CNTN4: variants seen among roughly 807,000 people sequenced by gnomAD.
CNTN4 encodes contactin 4, also known as contactin-4.
In CNTN4, 77 loss-of-function variants were observed where a neutral mutation model predicts 122.5. The observed-to-expected ratio is 0.63, with a 90% CI of 0.52 to 0.76. CNTN4 has a LOEUF of 0.76. CNTN4 is among the 30% of genes least tolerant of loss of function. CNTN4 has a pLI of 0.00. For missense variants in CNTN4, 1,256 were observed against 1,259.1 expected, an observed-to-expected ratio of 1.00 and a Z score of 0.04; for synonymous variants, 512 against 447.0, an observed-to-expected ratio of 1.15 and a Z score of -1.83.
intron 2 of CNTN4, among the ~76,000 whole-genome samples, chr3:2,201,103 C>A (rs1418186779): frequency 6.6e-6 from 1 of 152,078 alleles, no homozygotes; most frequent in African/African-American, 2.4e-5. Flanking sequence ...AATAGAGTAG[C>A]CTATTCTCCA....
chr3:2,675,010 G>A (rs115595553), intron 4 of CNTN4, among the ~76,000 whole-genome samples: 2,146 of 152,152 alleles, frequency 0.014, 55 homozygotes, highest in African/African-American at 0.049. Flanking sequence ...TTATGGATAA[G>A]ACCTCAAAAG....
chr3:2,844,070 C>T (rs1254665102), intron 7 of CNTN4, among the ~76,000 whole-genome samples: 1 of 152,196 alleles, frequency 6.6e-6, no homozygotes, highest in African/African-American at 2.4e-5. Context: ...AGACATGAAA[C>T]ACGTCCCTCC....
At chr3:2,919,980 TA>T (rs917699519) in intron 12 of CNTN4, among the ~76,000 whole-genome samples, 32 of 151,148 alleles carry the variant, frequency 2.1e-4, no homozygotes, top group Admixed American at 5.9e-4. Context: ...AAGTCTTTTA[TA>T]AAAAAAAATA....
intron 3 of CNTN4, among the ~76,000 whole-genome samples, chr3:2,435,461 A>T (rs1260161854): frequency 6.6e-6 from 1 of 152,172 alleles, no homozygotes; most frequent in Non-Finnish European, 1.5e-5. Context: ...CAGTACAGAC[A>T]CAACCATCCA....
At chr3:2,321,634 T>G (rs1446720360) in intron 2 of CNTN4, among the ~76,000 whole-genome samples, 3 of 152,112 alleles carry the variant, frequency 2.0e-5, no homozygotes, top group Non-Finnish European at 2.9e-5. Context: ...ATACTTAGTC[T>G]TGTCAAAGCC....
At chr3:2,428,024 C>G (rs955219237) in intron 3 of CNTN4, among the ~76,000 whole-genome samples, 1 of 152,078 alleles carries the variant, frequency 6.6e-6, no homozygotes, top group Admixed American at 6.6e-5. Flanking sequence ...ACTCTTTATC[C>G]AATTTGCCAG....
chr3:2,213,059 A>G (rs976807296), intron 2 of CNTN4, among the ~76,000 whole-genome samples: 5 of 152,176 alleles, frequency 3.3e-5, no homozygotes, highest in African/African-American at 1.2e-4. Context: ...TCAATCTCAT[A>G]AATGCTGTGG....
At chr3:2,643,278 A>G (rs1824932) in intron 4 of CNTN4, among the ~76,000 whole-genome samples, 1 of 151,834 alleles carries the variant, frequency 6.6e-6, no homozygotes. Flanking sequence ...TGTTCAAGCA[A>G]TTTTCATGCC....
At chr3:2,702,254 T>G (rs1293117604) in intron 4 of CNTN4, among the ~76,000 whole-genome samples, 1 of 152,198 alleles carries the variant, frequency 6.6e-6, no homozygotes, top group Non-Finnish European at 1.5e-5. Context: ...GAAGAGGTAA[T>G]GCCACCAAAG....
chr3:2,542,356 A>G (rs542189697), intron 3 of CNTN4, among the ~76,000 whole-genome samples: 1 of 152,246 alleles, frequency 6.6e-6, no homozygotes, highest in Non-Finnish European at 1.5e-5. Flanking sequence ...GAAAGGTTTG[A>G]TTGTGAGTTG....
In CNTN4 at chr3:3,032,293, A is replaced by G. The variant is rs757211299; in HGVS notation, c.1783+1318A>G. Among the ~76,000 whole-genome samples, 173 of 152,336 alleles carry G rather than the reference A, an allele frequency of 1.1e-3. 1 individual carries two copies. The highest frequency in any genetic ancestry group is 1.9e-3 in the Non-Finnish European group (129 of 68,032). On this transcript the variant is annotated intron_variant, in intron 16 of 24. Coordinates refer to ENST00000418658, the MANE Select transcript of CNTN4 (RefSeq NM_175607.3). ...TTGCTGAAAATTTATCCTCTATTTA[A>G]TTAGGATAATGTTCAGATCAGCAGT...
intron 3 of CNTN4, among the ~76,000 whole-genome samples, chr3:2,421,033 A>G (rs1396662056): frequency 1.3e-5 from 2 of 152,172 alleles, no homozygotes; most frequent in African/African-American, 4.8e-5. Context: ...GGGAAAACTC[A>G]AACTAAGACA....
At position 2,709,677 on chromosome 3, in the gene CNTN4, G is replaced by C. The variant is rs1415944466; in HGVS notation, c.56-26538G>C. On this transcript the variant is annotated intron_variant, in intron 4 of 24. Coordinates refer to ENST00000418658, the MANE Select transcript of CNTN4 (RefSeq NM_175607.3). The surrounding 1 kb of genome is among the most constrained non-coding windows in gnomAD (Gnocchi z 5.0). ...ACCTGTAACCGCAGCACTTTGGGAG[G>C]CTGAGGCAGGTGGATCACTTGAGGT... Among the ~76,000 whole-genome samples the C allele has an allele frequency of 6.6e-6, 1 of 152,146 alleles. No individual in the cohort carries two copies. Among genetic ancestry groups the C allele is most frequent in the African/African-American group, 2.4e-5 (1 of 41,434 alleles).
chr3:2,236,304 T>C (rs1482808603), intron 2 of CNTN4, among the ~76,000 whole-genome samples: 1 of 152,210 alleles, frequency 6.6e-6, no homozygotes, highest in Non-Finnish European at 1.5e-5. Flanking sequence ...GGCCACCCAC[T>C]GAACCTCTCT....
chr3:2,698,011 G>A (rs1056947207), intron 4 of CNTN4, among the ~76,000 whole-genome samples: 1 of 152,172 alleles, frequency 6.6e-6, no homozygotes, highest in Non-Finnish European at 1.5e-5. Flanking sequence ...CCGGACTGAT[G>A]TTTGACTAAA....
At chr3:2,754,255 G>C (rs1401359309) in intron 6 of CNTN4, among the ~76,000 whole-genome samples, 2 of 152,108 alleles carry the variant, frequency 1.3e-5, no homozygotes, top group African/African-American at 4.8e-5. Context: ...CTTCATCCTG[G>C]AATTTTCACT....
chr3:2,489,857 G>A (rs1307159730), intron 3 of CNTN4, among the ~76,000 whole-genome samples: 2 of 152,040 alleles, frequency 1.3e-5, no homozygotes, highest in Non-Finnish European at 2.9e-5. Context: ...AAAGAATGCT[G>A]GGGAGAGCCC....
intron 2 of CNTN4, among the ~76,000 whole-genome samples, chr3:2,120,585 T>G (rs2125202941): frequency 6.6e-6 from 1 of 151,122 alleles, no homozygotes; most frequent in Non-Finnish European, 1.5e-5. Flanking sequence ...GTATTTTTAG[T>G]AGAGAGGAGG....
chr3:2,778,213 CAAATAAATAAATAAATAAAT>C (rs60613605), intron 6 of CNTN4, among the ~76,000 whole-genome samples: 2 of 118,958 alleles, frequency 1.7e-5, no homozygotes, highest in Non-Finnish European at 3.6e-5. Flanking sequence ...GACTCCGTCT[CAAATAAATAAATAAATAAAT>C]AAATAAATAA....
Sources: gnomAD v4.1 joint callset for allele counts (sites outside exome capture counted in the v4.1 genomes callset) on GRCh38, gnomAD v4.1.1 for gene constraint, Gnocchi (gnomAD v3.1) non-coding constraint, MANE v1.5 for transcripts, NCBI Gene and HGNC (gene_info 2026-07-23, HGNC 2026-07-21) for gene names.